RBM34: variants seen among roughly 807,000 people sequenced by gnomAD.
The protein encoded by RBM34 is RNA-binding protein 34.
Under a neutral mutation model 44.6 loss-of-function variants are expected in RBM34, and 39 were observed. That is an observed-to-expected ratio of 0.87 (90% CI 0.68 to 1.14). The LOEUF is 1.14. Among genes scored for constraint, RBM34 ranks in the 50% most tolerant of loss-of-function variants. The pLI is 0.00. For missense variants in RBM34, 572 were observed against 517.9 expected, an observed-to-expected ratio of 1.10 and a Z score of -1.01; for synonymous variants, 194 against 184.0, an observed-to-expected ratio of 1.05 and a Z score of -0.44.
intron 6 of RBM34, among the ~76,000 whole-genome samples, chr1:235,147,356 T>C (rs1661948254): frequency 6.6e-6 from 1 of 152,250 alleles, no homozygotes; most frequent in African/African-American, 2.4e-5. Context: ...GTAGTACTTG[T>C]ACATACACCT....
intron 3 of RBM34, among the ~76,000 whole-genome samples, chr1:235,158,394 C>G (rs192729025): frequency 6.8e-6 from 1 of 147,320 alleles, no homozygotes; most frequent in African/African-American, 2.5e-5. Flanking sequence ...CCAGCCTGGG[C>G]GACAACAGTG....
chr1:235,141,778 C>T (rs1163306479), intron 6 of RBM34, among the ~76,000 whole-genome samples: 2 of 152,162 alleles, frequency 1.3e-5, no homozygotes, highest in African/African-American at 4.8e-5. Flanking sequence ...AGAGCTGTAA[C>T]ACTCACTGCG....
intron 10 of RBM34, among the ~76,000 whole-genome samples, chr1:235,133,440 G>A (rs1184305449): frequency 1.3e-5 from 2 of 152,184 alleles, no homozygotes; most frequent in Non-Finnish European, 2.9e-5. Context: ...TATAAACTCT[G>A]TTATATCACT....
Position 235,146,741 on chromosome 1 carries a change from C to T in RBM34, c.701+1663G>A, listed in dbSNP as rs533995447. ...GATCAAGCGATTCTCTTGCCTCAGCCTCCCAAGTAGCTGGGACTACAGGCA... is the reference window on the plus strand; with the variant it reads ...GATCAAGCGATTCTCTTGCCTCAGCTTCCCAAGTAGCTGGGACTACAGGCA... On this transcript the variant is annotated intron_variant, in intron 6 of 10. Coordinates refer to ENST00000408888, the MANE Select transcript of RBM34 (RefSeq NM_015014.4). 3.3e-4 allele frequency among the ~76,000 whole-genome samples: 51 copies of T among 152,262 alleles called. No individual in the cohort carries two copies. In the East Asian group the frequency reaches 8.9e-3, roughly 26 times the overall value.
At chr1:235,154,547 G>C (rs1662313598) in intron 4 of RBM34, among the ~76,000 whole-genome samples, 1 of 152,212 alleles carries the variant, frequency 6.6e-6, no homozygotes, top group Non-Finnish European at 1.5e-5. Context: ...CTAGGTGACA[G>C]TGAGAACCTG....
intron 5 of RBM34, 47 bp from the exon 6 acceptor site, chr1:235,148,494 A>G (rs375414352): frequency 4.2e-5 from 60 of 1,416,654 alleles, no homozygotes; most frequent in Admixed American, 4.3e-5. Context: ...TTGAAGTATT[A>G]CCTCAAATTA....
chr1:235,155,275 C>A (rs558484464), intron 3 of RBM34, among the ~76,000 whole-genome samples, 163 bp from the exon 4 acceptor site: 27 of 152,124 alleles, frequency 1.8e-4, no homozygotes, highest in African/African-American at 6.3e-4. Context: ...TAGAGCAGCG[C>A]TATCTAGAAA....
At chr1:235,155,858 T>TATATATATAC (rs1426507386) in intron 3 of RBM34, among the ~76,000 whole-genome samples, 7 of 42,154 alleles carry the variant, frequency 1.7e-4, no homozygotes, top group Admixed American at 6.0e-4. Flanking sequence ...TATATATATA[T>TATATATATAC]ATATATATAC....
intron 3 of RBM34, among the ~76,000 whole-genome samples, chr1:235,159,464 CTT>C (rs1662597868): frequency 6.6e-6 from 1 of 151,108 alleles, no homozygotes; most frequent in Non-Finnish European, 1.5e-5. Context: ...AGAAGAATCA[CTT>C]GAACCCAGGA....
chr1:235,160,833 G>A (rs996119786), intron 2 of RBM34, 60 bp downstream of exon 2: 1 of 1,583,578 alleles, frequency 6.3e-7, no homozygotes, highest in Non-Finnish European at 8.6e-7. Flanking sequence ...TAGGTAAGAA[G>A]ATTGCTTTGT....
intron 6 of RBM34, among the ~76,000 whole-genome samples, chr1:235,147,205 T>C (rs1020032525): frequency 7.9e-5 from 12 of 152,170 alleles, no homozygotes; most frequent in African/African-American, 2.9e-4. Flanking sequence ...CACTCCAGCC[T>C]GGGTGACAGA....
At chr1:235,135,107 T>C (rs1348034953) in intron 10 of RBM34, among the ~76,000 whole-genome samples, 3,966 of 118,870 alleles carry the variant, frequency 0.033, 62 homozygotes, top group Middle Eastern at 0.046. Context: ...TGCAGTGGTG[T>C]GATCTCGGCT....
chr1:235,152,603 A>G (rs1662211257), intron 5 of RBM34, 103 bp downstream of exon 5: 1 of 1,523,694 alleles, frequency 6.6e-7, no homozygotes, highest in East Asian at 2.4e-5. Flanking sequence ...TATTGATTCA[A>G]AAGGTTAAAG....
At chr1:235,159,168 G>A (rs373963126) in intron 3 of RBM34, among the ~76,000 whole-genome samples, 1 of 147,816 alleles carries the variant, frequency 6.8e-6, no homozygotes, top group Non-Finnish European at 1.5e-5. Flanking sequence ...AGCCGCAATC[G>A]CACCACTGCA....
At chr1:235,143,209 C>G (rs1448267098) in intron 6 of RBM34, among the ~76,000 whole-genome samples, 1 of 152,128 alleles carries the variant, frequency 6.6e-6, no homozygotes, top group African/African-American at 2.4e-5. Context: ...ATGACAATGC[C>G]AAGTGCTGGT....
At chr1:235,156,735 T>C (rs1451295198) in intron 3 of RBM34, 1 of 410,762 alleles carries the variant, frequency 2.4e-6, no homozygotes, top group Non-Finnish European at 4.9e-6. Flanking sequence ...ATCATAAAAA[T>C]GACTCACTCA....
At chr1:235,150,632 C>G (rs1219628737) in intron 5 of RBM34, among the ~76,000 whole-genome samples, 8 of 152,186 alleles carry the variant, frequency 5.3e-5, no homozygotes, top group Middle Eastern at 6.8e-3. Flanking sequence ...GAGGCAGGGC[C>G]ACACTGGAGA....
Position 235,137,919 on chromosome 1 carries a change from A to G in RBM34, c.807T>C (p.Asp269=). Reference sequence around the variant, plus strand: ...CGAGATCAACTCTAATACGAAATCCATCTGCAATCTGGGCCCCATTTCTGT... The same window carrying G: ...CGAGATCAACTCTAATACGAAATCCGTCTGCAATCTGGGCCCCATTTCTGT... ...ALKRNGAQIA[D]GFRIRVDLAS... is the part of the protein sequence containing the mutation. The change falls in exon 8 of 11, where the codon GAT becomes GAC. Residue 269 remains aspartate (D), a synonymous_variant. Transcript: ENST00000408888. The G allele has an allele frequency of 6.2e-7, 1 of 1,605,254 alleles. No individual in the cohort carries two copies. The highest frequency in any genetic ancestry group is 8.5e-7 in the Non-Finnish European group (1 of 1,173,470).
In RBM34 at chr1:235,134,945, T is replaced by C. The variant is rs372051968; in HGVS notation, c.1008+707A>G. On this transcript the variant is annotated intron_variant, in intron 10 of 10. Transcript: ENST00000408888. Reference sequence around the variant, plus strand: ...TTTTAGTAGAGATGGGGTTTCTCCATGTTGGTCAGGCTGGTCTCGAATTCC... The same window carrying C: ...TTTTAGTAGAGATGGGGTTTCTCCACGTTGGTCAGGCTGGTCTCGAATTCC... Among the ~76,000 whole-genome samples, 24 of 152,046 alleles carry C rather than the reference T, an allele frequency of 1.6e-4. 1 individual carries two copies. Among genetic ancestry groups the C allele is most frequent in the African/African-American group, 4.8e-4 (20 of 41,470 alleles).
Sources: gnomAD v4.1 joint callset for allele counts (sites outside exome capture counted in the v4.1 genomes callset) on GRCh38, gnomAD v4.1.1 for gene constraint, MANE v1.5 for transcripts, NCBI Gene and HGNC (gene_info 2026-07-23, HGNC 2026-07-21) for gene names.